SMAD9: variants seen among roughly 807,000 people sequenced by gnomAD.
The protein encoded by SMAD9 is SMAD family member 9, also known as MAD homolog 9.
Under a neutral mutation model 46.1 loss-of-function variants are expected in SMAD9, and 36 were observed. The ratio of observed to expected loss-of-function variants is 0.78; its 90% CI spans 0.60 to 1.03. SMAD9 has a LOEUF of 1.03. Ranked by LOEUF, SMAD9 falls within the 50% of genes least tolerant of loss-of-function variation. The pLI, the probability that SMAD9 is intolerant of heterozygous loss-of-function variation, is 0.00. For missense variants in SMAD9, 572 were observed against 599.8 expected (o/e 0.95, Z 0.48); for synonymous variants, 245 against 237.1 (o/e 1.03, Z -0.31).
At chr13:36,895,170 T>C (rs1419535364) in intron 1 of SMAD9, among the ~76,000 whole-genome samples, 1 of 152,172 alleles carries the variant, frequency 6.6e-6, no homozygotes, top group African/African-American at 2.4e-5. Flanking sequence ...GTCACCCCTT[T>C]TCTAATGAGT....
intron 1 of SMAD9, among the ~76,000 whole-genome samples, chr13:36,899,745 T>C (rs910346917): frequency 6.6e-6 from 1 of 152,184 alleles, no homozygotes; most frequent in Non-Finnish European, 1.5e-5. Flanking sequence ...TATCAGCATA[T>C]GAGGGGAAAA....
At position 36,865,787 on chromosome 13, in the gene SMAD9, G is replaced by T. The variant is rs529942038; in HGVS notation, c.782-29C>A. On this transcript the variant is annotated intron_variant, in intron 4 of 6. Coordinates refer to ENST00000379826, the MANE Select transcript of SMAD9 (RefSeq NM_001127217.3). ...GAAGAAAACAAACCAGAGAACACAT[G>T]GCTACTGTCATACCTGGGCTGTGTA... 2.6e-6 allele frequency: 4 copies of T among 1,553,378 alleles called. No homozygotes were observed. In the African/African-American group the frequency reaches 4.1e-5, roughly 16 times the overall value.
intron 1 of SMAD9, among the ~76,000 whole-genome samples, chr13:36,894,031 T>C (rs1466454322): frequency 6.6e-6 from 1 of 152,200 alleles, no homozygotes; most frequent in Admixed American, 6.5e-5. Flanking sequence ...ATATTTCTTA[T>C]CAGATATAAG....
intron 2 of SMAD9, among the ~76,000 whole-genome samples, chr13:36,875,287 T>A (rs1331086952): frequency 6.6e-6 from 1 of 152,236 alleles, no homozygotes; most frequent in African/African-American, 2.4e-5. Context: ...AAGTCTGCCA[T>A]CTGCCTTTGA....
At chr13:36,883,615 G>GT (rs2058421740) in intron 1 of SMAD9, among the ~76,000 whole-genome samples, 1 of 152,146 alleles carries the variant, frequency 6.6e-6, no homozygotes. Context: ...ATTGGGCGTG[G>GT]TGGCGGGTAC....
intron 4 of SMAD9, among the ~76,000 whole-genome samples, chr13:36,867,062 T>C (rs2058241684): frequency 6.6e-6 from 1 of 152,196 alleles, no homozygotes; most frequent in African/African-American, 2.4e-5. Context: ...AAAGTTAACT[T>C]GTTCTAGTAA....
At position 36,879,156 on chromosome 13, in the gene SMAD9, C is replaced by CCTCT. The variant is rs10658358; in HGVS notation, c.412+118_412+121dup. The CCTCT allele has an allele frequency of 0.52, 448,761 of 868,490 alleles. 114,378 individuals carry two copies. The highest frequency in any genetic ancestry group is 0.73 in the East Asian group (25,086 of 34,452). 53.8% of individuals were successfully genotyped at this position (868,490 alleles called of 1,614,324 possible). On this transcript the variant is annotated intron_variant, in intron 2 of 6. Coordinates refer to ENST00000379826, the MANE Select transcript of SMAD9 (RefSeq NM_001127217.3). ...GTCCCTCAAAACTGAACCTCCCTCT[C>CCTCT]CTCTCTTCTCTCTCTCTCTTTTGGG...
In SMAD9 at chr13:36,871,090, G is replaced by T. The variant is rs607711; in HGVS notation, c.670+1568C>A. 3.9e-3 allele frequency among the ~76,000 whole-genome samples: 601 copies of T among 152,294 alleles called. 4 individuals carry two copies. Among genetic ancestry groups the T allele is most frequent in the African/African-American group, 0.014 (579 of 41,546 alleles). ...GTAGCTGAAACCTCAGATAAGGGGGGACAACTACACCGTCTTAATCATCAC... is the reference window on the plus strand; with the variant it reads ...GTAGCTGAAACCTCAGATAAGGGGGTACAACTACACCGTCTTAATCATCAC... On this transcript the variant is annotated intron_variant, in intron 3 of 6. Transcript: ENST00000379826.
intron 1 of SMAD9, among the ~76,000 whole-genome samples, chr13:36,906,174 A>G (rs1446073084): frequency 6.6e-6 from 1 of 152,152 alleles, no homozygotes; most frequent in Non-Finnish European, 1.5e-5. Context: ...ATTGAATGTT[A>G]TATCACACAC....
At chr13:36,919,708 G>A (rs559097832) in intron 1 of SMAD9, among the ~76,000 whole-genome samples, 1 of 151,188 alleles carries the variant, frequency 6.6e-6, no homozygotes, top group African/African-American at 2.4e-5. Context: ...CCCCGCCGCG[G>A]GTCGAACATC....
At chr13:36,868,362 T>A (rs905902238) in intron 3 of SMAD9, among the ~76,000 whole-genome samples, 4 of 152,242 alleles carry the variant, frequency 2.6e-5, no homozygotes, top group Non-Finnish European at 4.4e-5. Flanking sequence ...GAAAATGGAC[T>A]ATGACTCCTA....
intron 1 of SMAD9, among the ~76,000 whole-genome samples, chr13:36,911,133 G>A (rs2058657576): frequency 1.3e-5 from 2 of 152,040 alleles, no homozygotes; most frequent in Non-Finnish European, 2.9e-5. Context: ...AGCCTCCTGA[G>A]TATCTGGGGC....
chr13:36,863,697 G>A (rs1300279987), intron 5 of SMAD9, among the ~76,000 whole-genome samples: 1 of 152,044 alleles, frequency 6.6e-6, no homozygotes, highest in Non-Finnish European at 1.5e-5. Context: ...GTTAAAAAGA[G>A]ACCAGCACCT....
chr13:36,861,802 G>A (rs1211576711), intron 5 of SMAD9, among the ~76,000 whole-genome samples: 4 of 151,546 alleles, frequency 2.6e-5, no homozygotes, highest in Admixed American at 6.6e-5. Flanking sequence ...GGTGGTGTGC[G>A]CCTGTAATCT....
At chr13:36,848,941 G>A (rs2058053789) in intron 6 of SMAD9, 122 bp from the exon 7 acceptor site, 2 of 853,602 alleles carry the variant, frequency 2.3e-6, no homozygotes, top group African/African-American at 1.7e-5. Context: ...ACCTGAGAGG[G>A]AGAGAACATG....
intron 1 of SMAD9, among the ~76,000 whole-genome samples, chr13:36,907,922 T>C (rs1013822135): frequency 5.3e-5 from 8 of 152,260 alleles, no homozygotes; most frequent in Non-Finnish European, 1.2e-4. Flanking sequence ...TAAGGTAAAA[T>C]GCTGGGAAAT....
intron 2 of SMAD9, 113 bp downstream of exon 2, chr13:36,879,165 T>G: frequency 1.1e-6 from 1 of 924,248 alleles, no homozygotes; most frequent in Non-Finnish European, 1.7e-6. Context: ...TCCTCTCTTC[T>G]CTCTCTCTCT....
At chr13:36,855,579 G>A (rs1392669228) in intron 5 of SMAD9, among the ~76,000 whole-genome samples, 1 of 152,082 alleles carries the variant, frequency 6.6e-6, no homozygotes, top group Non-Finnish European at 1.5e-5. Flanking sequence ...ATATATTTGG[G>A]GTCTAATTGT....
intron 1 of SMAD9, among the ~76,000 whole-genome samples, chr13:36,916,374 T>G (rs1388254745): frequency 6.6e-6 from 1 of 152,220 alleles, no homozygotes; most frequent in East Asian, 1.9e-4. Context: ...TAGAAGCTTT[T>G]CCTGACTGTA....
Sources: allele counts gnomAD v4.1 joint callset (sites outside exome capture counted in the v4.1 genomes callset), GRCh38; gene constraint gnomAD v4.1.1; transcripts MANE v1.5; gene names NCBI Gene and HGNC (gene_info 2026-07-23, HGNC 2026-07-21).